LTBP1: variants seen among roughly 807,000 people sequenced by gnomAD.
LTBP1 encodes the protein latent transforming growth factor beta binding protein 1.
Under a neutral mutation model 207.6 loss-of-function variants are expected in LTBP1, and 129 were observed. The ratio of observed to expected loss-of-function variants is 0.62; its 90% CI spans 0.54 to 0.72. The LOEUF (loss-of-function observed/expected upper bound fraction) is 0.72, where lower values mean the gene tolerates loss of function less well. LTBP1 is among the 30% of genes least tolerant of loss of function. The probability of loss-of-function intolerance (pLI) is 0.00; values close to 1 mark genes in which losing one functional copy is unlikely to be tolerated. For synonymous variants in LTBP1, 963 were observed against 833.7 expected, an observed-to-expected ratio of 1.16 and a Z score of -2.67; for missense variants, 2,281 against 2,217.2, an observed-to-expected ratio of 1.03 and a Z score of -0.58.
chr2:33,342,811 G>T, intron 24 of LTBP1, 27 bp from the exon 25 acceptor site: 1 of 1,610,112 alleles, frequency 6.2e-7, no homozygotes, highest in Middle Eastern at 1.7e-4. Flanking sequence ...TTTGTTTTGT[G>T]TCTGATGTTC....
intron 24 of LTBP1, among the ~76,000 whole-genome samples, chr2:33,318,186 T>C (rs897682626): frequency 2.0e-5 from 3 of 152,078 alleles, no homozygotes; most frequent in African/African-American, 7.2e-5. Context: ...GCCCTAAGCA[T>C]TTTGGGTAAG....
chr2:33,106,571 T>C (rs2080079150), intron 3 of LTBP1, among the ~76,000 whole-genome samples: 1 of 152,180 alleles, frequency 6.6e-6, no homozygotes, highest in Non-Finnish European at 1.5e-5. Context: ...GGTGACCAGG[T>C]GGATTGTCAA....
chr2:32,989,310 T>C (rs1443761738), intron 2 of LTBP1, among the ~76,000 whole-genome samples: 1 of 152,212 alleles, frequency 6.6e-6, no homozygotes, highest in Non-Finnish European at 1.5e-5. Context: ...CAAAATGGGT[T>C]TATCCATAGG....
intron 26 of LTBP1, among the ~76,000 whole-genome samples, chr2:33,349,030 T>G (rs1262137765): frequency 6.6e-6 from 1 of 152,218 alleles, no homozygotes; most frequent in East Asian, 1.9e-4. Flanking sequence ...AGCCATAAAC[T>G]TCAGCAGAAG....
At chr2:33,261,276 C>T (rs912587064) in intron 13 of LTBP1, among the ~76,000 whole-genome samples, 1 of 152,212 alleles carries the variant, frequency 6.6e-6, no homozygotes, top group South Asian at 2.1e-4. Context: ...AGTGGATTAA[C>T]ACCTGATCCT....
intron 5 of LTBP1, among the ~76,000 whole-genome samples, chr2:33,144,499 A>T (rs947203286): frequency 6.6e-6 from 1 of 152,136 alleles, no homozygotes; most frequent in Non-Finnish European, 1.5e-5. Flanking sequence ...AGTGTAATAC[A>T]TTTTGGAACC....
chr2:33,330,893 G>C (rs1413857279), intron 24 of LTBP1, among the ~76,000 whole-genome samples: 1 of 144,876 alleles, frequency 6.9e-6, no homozygotes, highest in Non-Finnish European at 1.5e-5. Flanking sequence ...GTTTCCTTTT[G>C]TTTTTGTGCC....
chr2:33,264,038 T>G (rs1194865571), intron 15 of LTBP1, among the ~76,000 whole-genome samples: 3 of 150,266 alleles, frequency 2.0e-5, no homozygotes, highest in Admixed American at 2.0e-4. Context: ...GGCAGATCAC[T>G]AGGTCAGGAG....
chr2:33,233,819 A>C (rs2091911566), intron 9 of LTBP1, among the ~76,000 whole-genome samples: 1 of 151,848 alleles, frequency 6.6e-6, no homozygotes, highest in Admixed American at 6.6e-5. Flanking sequence ...TTTTCAATCT[A>C]CTTATTTATA....
chr2:33,329,216 G>C (rs1294778337), intron 24 of LTBP1, among the ~76,000 whole-genome samples: 5 of 152,182 alleles, frequency 3.3e-5, no homozygotes, highest in African/African-American at 1.2e-4. Flanking sequence ...CTGAGTAAAG[G>C]TATCTCATTA....
At chr2:33,268,207 T>C (rs1329227663) in intron 15 of LTBP1, among the ~76,000 whole-genome samples, 1 of 152,264 alleles carries the variant, frequency 6.6e-6, no homozygotes, top group Non-Finnish European at 1.5e-5. Context: ...ACTCAAAATG[T>C]GTATGTTCCC....
chr2:33,254,557 T>G (rs935881571), intron 11 of LTBP1, among the ~76,000 whole-genome samples: 3 of 147,110 alleles, frequency 2.0e-5, no homozygotes, highest in Non-Finnish European at 3.0e-5. Context: ...TGGTTTTTTT[T>G]TTTTTTTTTT....
chr2:33,345,858 G>T (rs2094694554), intron 25 of LTBP1, among the ~76,000 whole-genome samples: 1 of 152,028 alleles, frequency 6.6e-6, no homozygotes, highest in South Asian at 2.1e-4. Flanking sequence ...TAATGCATAA[G>T]ACATGTGAGC....
At chr2:33,360,519 C>T in intron 26 of LTBP1, 78 bp from the exon 27 acceptor site, 1 of 876,360 alleles carries the variant, frequency 1.1e-6, no homozygotes, top group Non-Finnish European at 1.8e-6. Context: ...CACTCTTTCC[C>T]CCATTGCATT....
intron 5 of LTBP1, among the ~76,000 whole-genome samples, chr2:33,140,039 A>AAACAT (rs2082512053): frequency 6.6e-6 from 1 of 152,230 alleles, no homozygotes; most frequent in South Asian, 2.1e-4. Flanking sequence ...TCATGTTTTA[A>AAACAT]GAGGCTAAAT....
At chr2:33,094,833 C>T (rs779832988) in intron 3 of LTBP1, among the ~76,000 whole-genome samples, 2 of 152,142 alleles carry the variant, frequency 1.3e-5, no homozygotes, top group Non-Finnish European at 2.9e-5. Flanking sequence ...CAAGGTAATG[C>T]CATCTTCCAA....
chr2:32,951,385 A>G (rs762826070), intron 2 of LTBP1, among the ~76,000 whole-genome samples: 2 of 152,212 alleles, frequency 1.3e-5, no homozygotes, highest in African/African-American at 2.4e-5. Context: ...ATCCAAAATA[A>G]TGTATCTCTG....
At chr2:33,009,886 C>T (rs572588699) in intron 2 of LTBP1, among the ~76,000 whole-genome samples, 11 of 152,248 alleles carry the variant, frequency 7.2e-5, no homozygotes, top group African/African-American at 2.2e-4. Context: ...ATCGATGAGA[C>T]CGTTGGATGT....
chr2:33,119,843 C>A (rs1431987717), intron 4 of LTBP1, among the ~76,000 whole-genome samples: 1 of 152,200 alleles, frequency 6.6e-6, no homozygotes, highest in Non-Finnish European at 1.5e-5. Flanking sequence ...TAGACGAGAG[C>A]ACTGCGCCTG....
Sources: allele counts gnomAD v4.1 joint callset (sites outside exome capture counted in the v4.1 genomes callset), GRCh38; gene constraint gnomAD v4.1.1; transcripts MANE v1.5; gene names NCBI Gene and HGNC (gene_info 2026-07-23, HGNC 2026-07-21).